Variants in PRSS56 observed in about 807,000 individuals in gnomAD.
PRSS56 encodes the protein serine protease 56, also known as protease, serine 56.
PRSS56 carries 55 observed loss-of-function variants against 66.8 expected under a neutral mutation model. The ratio of observed to expected loss-of-function variants is 0.82; its 90% CI spans 0.66 to 1.03. The LOEUF is 1.03. Among genes scored for constraint, PRSS56 ranks in the 50% least tolerant of loss-of-function variants. PRSS56 has a pLI of 0.00. For synonymous variants in PRSS56, 409 were observed against 387.9 expected, an observed-to-expected ratio of 1.05 and a Z score of -0.64; for missense variants, 869 against 837.2, an observed-to-expected ratio of 1.04 and a Z score of -0.47.
In PRSS56 at chr2:232,525,410, C is replaced by A. The variant is rs944523747; in HGVS notation, c.1716C>A (p.Pro572=). The A allele has an allele frequency of 7.2e-6, 11 of 1,533,986 alleles. No homozygotes were observed. In the African/African-American group the frequency reaches 1.2e-4, roughly 17 times the overall value. The change falls in exon 13 of 13, where the codon CCC becomes CCA. Residue 572 remains proline, a synonymous_variant. Transcript: ENST00000617714. ...TGGCTGCCCTGGCAGAAGGGGAGCC[C>A]GAGGGACCCTGGATGGATGTAGGGC... The part of the protein sequence containing the change: ...FRVAALAEGE[P]EGPWMDVGQG...
intron 7 of PRSS56, 28 bp downstream of exon 7, chr2:232,523,230 C>A: frequency 7.0e-7 from 1 of 1,428,896 alleles, no homozygotes; most frequent in Non-Finnish European, 9.1e-7. Flanking sequence ...TGAGAAAAGG[C>A]CGGCTGAGCC....
Position 232,525,415 on chromosome 2 carries a change from G to A in PRSS56, c.1721G>A (p.Gly574Glu). Residue 574 changes from glycine (G) to glutamate (E), a missense_variant, in exon 13 of 13, where the codon GGA (glycine) becomes GAA (glutamate). Gly to Glu is a moderately conservative substitution (Grantham distance 98). Around this residue, in one of 3 missense-constraint regions of PRSS56, gnomAD observed 551 missense variants for 506.9 expected, o/e 1.09. Coordinates refer to ENST00000617714, the MANE Select transcript of PRSS56 (RefSeq NM_001195129.2). ...GCCCTGGCAGAAGGGGAGCCCGAGGGACCCTGGATGGATGTAGGGCAGGGG... is the reference window on the plus strand; with the variant it reads ...GCCCTGGCAGAAGGGGAGCCCGAGGAACCCTGGATGGATGTAGGGCAGGGG... ...VAALAEGEPE[G>E]PWMDVGQGPG... The A allele has an allele frequency of 2.0e-6, 3 of 1,534,214 alleles. No homozygotes were observed. The South Asian group carries it at 3.6e-5, about 18-fold the overall frequency.
At chr2:232,521,083 G>GGAAA (rs1487850763) in intron 1 of PRSS56, among the ~76,000 whole-genome samples, 2 of 152,222 alleles carry the variant, frequency 1.3e-5, no homozygotes, top group East Asian at 3.8e-4. Context: ...AAATTGTTAA[G>GGAAA]GAAAAGCACC....
At position 232,523,894 on chromosome 2, in the gene PRSS56, G is replaced by T. The variant is rs942200399; in HGVS notation, c.1135G>T (p.Ala379Ser). Residue 379 changes from alanine to serine, a missense_variant, in exon 9 of 13, where the codon GCC (alanine) becomes TCC (serine). Transcript: ENST00000617714. The part of the protein sequence containing the change: ...YARLCPGSQG[A>S]CARLAHQQCL... The stretch of plus-strand genomic sequence containing the variant: ...CCGCCTGTGCCCGGGGTCCCAGGGC[G>T]CCTGTGCGCGCCTGGCGCACCAGCA... 2.6e-6 allele frequency: 4 copies of T among 1,520,842 alleles called. No homozygotes were observed. Among genetic ancestry groups the T allele is most frequent in the Middle Eastern group, 1.9e-4 (1 of 5,272 alleles). The allele number at this position is 1,520,842 out of a possible 1,614,324, so 94.2% of individuals were successfully genotyped here.
Position 232,522,517 on chromosome 2 carries a change from C to T in PRSS56, c.449C>T (p.Ala150Val), listed in dbSNP as rs760133866. 82 of 1,530,436 alleles carry T rather than the reference C, an allele frequency of 5.4e-5. No homozygotes were observed. Among genetic ancestry groups the T allele is most frequent in the Non-Finnish European group, 6.9e-5 (79 of 1,144,354 alleles). 94.8% of individuals were successfully genotyped at this position (1,530,436 alleles called of 1,614,324 possible). The change falls in exon 5 of 13, where the codon GCC (alanine) becomes GTC (valine). Residue 150 changes from alanine to valine, a missense_variant and splice_region_variant. Ala to Val is a moderately conservative substitution (Grantham distance 64). Transcript: ENST00000617714. ...VLTAAHCFVG[A>V]PNELLWTVTL... ...CTCAGCTGCCGCTCGACCCGCAGCG[C>T]CCCGAATGAGCTTCTGTGGACTGTG...
chr2:232,524,806 C>A lies in PRSS56; in HGVS notation c.1483C>A (p.Gln495Lys), dbSNP rs898971107. The change falls in exon 12 of 13, where the codon CAG becomes AAG. Residue 495 changes from glutamine to lysine, a missense_variant. Gln to Lys is a moderately conservative substitution (Grantham distance 53). Transcript: ENST00000617714. ...ALQGAHAWIL[Q>K]VPSEHLAMNF... is the part of the protein sequence containing the mutation. ...GCAGGGGGCCCATGCCTGGATCCTG[C>A]AGGTCCCCTCGGAGCACCTGGCCAT... The A allele has an allele frequency of 6.5e-7, 1 of 1,535,588 alleles. No homozygotes were observed. The highest frequency in any genetic ancestry group is 8.7e-7 in the Non-Finnish European group (1 of 1,146,536).
At position 232,521,401 on chromosome 2, in the gene PRSS56, A is replaced by T; in HGVS notation, c.178A>T (p.Ile60Phe). The T allele has an allele frequency of 6.5e-7, 1 of 1,536,022 alleles. No individual in the cohort carries two copies. The highest frequency in any genetic ancestry group is 8.7e-7 in the Non-Finnish European group (1 of 1,146,862). The change falls in exon 2 of 13, where the codon ATC becomes TTC. Residue 60 changes from isoleucine to phenylalanine, a missense_variant. Physicochemically the swap from Ile to Phe is conservative, Grantham distance 21 (BLOSUM62 0). This residue lies in a region of PRSS56 where 315 missense variants were observed against 313.7 expected (regional missense o/e 1.00). Transcript: ENST00000617714. Reference protein sequence around the residue: ...QWAINRVAMEIQHRSHECRGS... With the variant: ...QWAINRVAMEFQHRSHECRGS... Reference sequence around the variant, plus strand: ...GGCAATAAACCGAGTGGCGATGGAGATCCAGCACAGATCGCACGAGTGCCG... The same window carrying T: ...GGCAATAAACCGAGTGGCGATGGAGTTCCAGCACAGATCGCACGAGTGCCG...
At chr2:232,522,209 C>T in intron 4 of PRSS56, 49 bp downstream of exon 4, 2 of 1,380,916 alleles carry the variant, frequency 1.4e-6, no homozygotes, top group Middle Eastern at 2.3e-4. Flanking sequence ...CGGCGCTGGG[C>T]CCCGCACCTG....
At chr2:232,520,984 C>A (rs1218900132) in intron 1 of PRSS56, among the ~76,000 whole-genome samples, 2 of 152,162 alleles carry the variant, frequency 1.3e-5, no homozygotes, top group East Asian at 3.8e-4. Flanking sequence ...GCTGTCCCGG[C>A]CGAAGGTGGG....
Position 232,525,576 on chromosome 2 carries a change from T to C in PRSS56, c.*70T>C. 16 of 1,034,058 alleles carry C rather than the reference T, an allele frequency of 1.5e-5. No homozygotes were observed. Among genetic ancestry groups the C allele is most frequent in the Non-Finnish European group, 2.0e-5 (16 of 816,070 alleles). The allele number at this position is 1,034,058 out of a possible 1,614,324, so 64.1% of individuals were successfully genotyped here. On this transcript the variant is annotated 3_prime_UTR_variant, in exon 13 of 13. Transcript: ENST00000617714. ...AGGGGCTGAGAGGGGTTCGGGAGCA[T>C]AATGACAAACTGTCGCTGCCCCAGT...
rs774483044 is a variant in PRSS56 at position 232,525,491 on chromosome 2, C to A, written c.1797C>A (p.Pro599=). 1.5e-5 allele frequency: 23 copies of A among 1,492,982 alleles called. No individual in the cohort carries two copies. The highest frequency in any genetic ancestry group is 4.2e-5 in the Admixed American group (2 of 47,804). 92.5% of individuals were successfully genotyped at this position (1,492,982 alleles called of 1,614,324 possible). A position where few individuals can be genotyped will look rare whatever the true frequency, so the allele number is the denominator to read the frequency against. Residue 599 remains proline, a synonymous_variant, in exon 13 of 13, where the codon CCC becomes CCA. Transcript: ENST00000617714. ...ACCCACTCAACCCTCAGGTACCCCCCGCCAGGCAACCCTGAGCCATGTCTG... is the reference window on the plus strand; with the variant it reads ...ACCCACTCAACCCTCAGGTACCCCCAGCCAGGCAACCCTGAGCCATGTCTG... ...GHHPLNPQVP[P]ARQP
chr2:232,524,900 G>A (rs1691385685), intron 12 of PRSS56, 56 bp downstream of exon 12: 3 of 1,378,078 alleles, frequency 2.2e-6, no homozygotes, highest in Non-Finnish European at 9.9e-7. Context: ...CTGAGACCCA[G>A]CCCAGGGAAG....
intron 2 of PRSS56, 101 bp downstream of exon 2, chr2:232,521,529 G>T: frequency 9.9e-7 from 1 of 1,006,110 alleles, no homozygotes; most frequent in East Asian, 2.6e-5. Flanking sequence ...TCCTCTTGGG[G>T]GCAGAGACTG....
rs1275644096 is a variant in PRSS56, at chr2:232,522,713, G to T, written c.558G>T (p.Arg186=). Residue 186 remains arginine (R), a synonymous_variant, in exon 6 of 13, where the codon CGG becomes CGT. Transcript: ENST00000617714. ...RILPHPKFDP[R]TFHNDLALVQ... ...CTCCCCCTCCTCAGTTTGACCCGCG[G>T]ACCTTCCACAACGACCTGGCCCTGG... 6.5e-7 allele frequency: 1 copy of T among 1,534,392 alleles called. No individual in the cohort carries two copies. Among genetic ancestry groups the T allele is most frequent in the East Asian group, 2.4e-5 (1 of 40,838 alleles).
intron 2 of PRSS56, 90 bp downstream of exon 2, chr2:232,521,518 CT>C: frequency 8.9e-7 from 1 of 1,123,738 alleles, no homozygotes; most frequent in Non-Finnish European, 1.3e-6. Flanking sequence ...AGTCTTCACT[CT>C]CCTCTTGGGG....
Position 232,520,482 on chromosome 2 carries a change from AT to A in PRSS56, c.-115del. ...GGGTCAGATGATTTGAGGGACAAGA[AT>A]TCAGTGCCCGGGGGCCGAAAGGCAG... is the stretch of plus-strand genomic sequence containing the variant. On this transcript the variant is annotated 5_prime_UTR_variant, in exon 1 of 13. Transcript: ENST00000617714. 1 of 803,074 alleles carries A rather than the reference AT, an allele frequency of 1.2e-6. No homozygotes were observed. The highest frequency in any genetic ancestry group is 2.7e-5 in the East Asian group (1 of 37,404). The allele number at this position is 803,074 out of a possible 1,614,324, so 49.7% of individuals were successfully genotyped here.
At position 232,524,355 on chromosome 2, in the gene PRSS56, G is replaced by A; in HGVS notation, c.1400G>A (p.Arg467His). The A allele has an allele frequency of 1.3e-6, 2 of 1,535,512 alleles. No individual in the cohort carries two copies. The highest frequency in any genetic ancestry group is 4.9e-5 in the East Asian group (2 of 40,898). The change falls in exon 11 of 13, where the codon CGC becomes CAC. Residue 467 changes from arginine to histidine, a missense_variant. Transcript: ENST00000617714. The part of the protein sequence containing the change: ...TRFPKRRPEP[R>H]GEANGCPGLE... The stretch of plus-strand genomic sequence containing the variant: ...TTCCCGAAGCGGAGGCCGGAGCCGC[G>A]CGGAGAAGCCAACGGTAATGACGCC...
At position 232,525,642 on chromosome 2, in the gene PRSS56, C is replaced by T; in HGVS notation, c.*136C>T. ...GGTGGGATGGGGTGGGGGTCCTGGG[C>T]CCCCCGTGTCTTCCCAGGTTTACAA... is the stretch of plus-strand genomic sequence containing the variant. On this transcript the variant is annotated 3_prime_UTR_variant, in exon 13 of 13. Coordinates refer to ENST00000617714, the MANE Select transcript of PRSS56 (RefSeq NM_001195129.2). 1 of 598,816 alleles carries T rather than the reference C, an allele frequency of 1.7e-6. No homozygotes were observed. The highest frequency in any genetic ancestry group is 2.7e-6 in the Non-Finnish European group (1 of 367,638). The allele number at this position is 598,816 out of a possible 1,614,324, so 37.1% of individuals were successfully genotyped here.
intron 1 of PRSS56, 87 bp from the exon 2 acceptor site, chr2:232,521,234 C>T (rs1029171726): frequency 2.6e-5 from 29 of 1,098,100 alleles, no homozygotes; most frequent in Admixed American, 1.6e-4. Flanking sequence ...GTGGGTCTCC[C>T]GAGGCAGGGC....
Sources: gnomAD v4.1 joint callset for allele counts (sites outside exome capture counted in the v4.1 genomes callset) on GRCh38, gnomAD v4.1.1 for gene constraint, gnomAD v4.1.1 regional missense constraint, MANE v1.5 for transcripts, NCBI Gene and HGNC (gene_info 2026-07-23, HGNC 2026-07-21) for gene names.